Variants in MTUS2 observed in about 807,000 individuals in gnomAD.
MTUS2 encodes the protein microtubule associated scaffold protein 2.
A neutral mutation model predicts 114.1 loss-of-function variants in MTUS2; 40 were observed. That is an observed-to-expected ratio of 0.35 (90% CI 0.27 to 0.46). MTUS2 has a LOEUF of 0.46. Among genes scored for constraint, MTUS2 ranks in the 20% least tolerant of loss-of-function variants. The pLI is 1.00. For synonymous variants in MTUS2, 688 were observed against 672.0 expected (o/e 1.02, Z -0.37); for missense variants, 1,679 against 1,705.4 (o/e 0.98, Z 0.27).
intron 5 of MTUS2, among the ~76,000 whole-genome samples, chr13:29,175,456 C>T (rs754031748): frequency 3.3e-5 from 5 of 152,316 alleles, no homozygotes; most frequent in African/African-American, 4.8e-5. Flanking sequence ...AGCCATTAGA[C>T]AACGGGTGTT....
At chr13:29,171,424 GA>G (rs1893558601) in intron 5 of MTUS2, among the ~76,000 whole-genome samples, 1 of 152,128 alleles carries the variant, frequency 6.6e-6, no homozygotes, top group Non-Finnish European at 1.5e-5. Flanking sequence ...ATCTGTACCG[GA>G]ACTTACTTTC....
At chr13:29,428,474 G>A (rs1260456530) in intron 8 of MTUS2, among the ~76,000 whole-genome samples, 3 of 152,240 alleles carry the variant, frequency 2.0e-5, no homozygotes, top group Non-Finnish European at 4.4e-5. Flanking sequence ...AGGAGAGCAG[G>A]CTGTCCTTTT....
chr13:29,317,961 T>TTGC (rs1455385024), intron 6 of MTUS2, among the ~76,000 whole-genome samples: 1 of 152,216 alleles, frequency 6.6e-6, no homozygotes, highest in East Asian at 1.9e-4. Context: ...TTATCATCAC[T>TTGC]TGCGTTGTGG....
At chr13:29,201,396 G>A (rs375663404) in intron 5 of MTUS2, among the ~76,000 whole-genome samples, 20 of 151,246 alleles carry the variant, frequency 1.3e-4, no homozygotes, top group African/African-American at 4.4e-4. Flanking sequence ...TTTTGAGCCT[G>A]TGTGTGTCTT....
chr13:29,483,345 T>C (rs1741255059), intron 10 of MTUS2, among the ~76,000 whole-genome samples: 1 of 152,182 alleles, frequency 6.6e-6, no homozygotes, highest in Non-Finnish European at 1.5e-5. Context: ...CAGCAGCACC[T>C]CCGTCGTGAC....
At chr13:28,948,983 T>C (rs1221117754) in intron 2 of MTUS2, among the ~76,000 whole-genome samples, 2 of 152,244 alleles carry the variant, frequency 1.3e-5, no homozygotes, top group African/African-American at 4.8e-5. Flanking sequence ...TTAACATCTC[T>C]GAGCTTCATT....
At chr13:29,479,037 T>C (rs1880946112) in intron 9 of MTUS2, among the ~76,000 whole-genome samples, 3 of 152,242 alleles carry the variant, frequency 2.0e-5, no homozygotes, top group African/African-American at 7.2e-5. Context: ...GTGGGACTTC[T>C]GATTAGGGTG....
At chr13:29,442,244 AT>A (rs926962469) in intron 9 of MTUS2, among the ~76,000 whole-genome samples, 7 of 152,020 alleles carry the variant, frequency 4.6e-5, no homozygotes, top group Admixed American at 3.9e-4. Context: ...TGTCTCAGTA[AT>A]TTTTTTTCAC....
chr13:28,951,851 A>T (rs972743264), intron 2 of MTUS2, among the ~76,000 whole-genome samples: 1 of 152,190 alleles, frequency 6.6e-6, no homozygotes, highest in Non-Finnish European at 1.5e-5. Context: ...CACGATGATT[A>T]GGAAACCAAG....
chr13:29,177,024 A>G (rs1431588093), intron 5 of MTUS2, among the ~76,000 whole-genome samples: 2 of 151,008 alleles, frequency 1.3e-5, no homozygotes, highest in East Asian at 3.9e-4. Flanking sequence ...ATGGGGAGAG[A>G]TGGGTCATCT....
chr13:29,360,437 C>CT (rs1460142519), intron 8 of MTUS2, among the ~76,000 whole-genome samples: 2 of 152,094 alleles, frequency 1.3e-5, no homozygotes. Flanking sequence ...CTGAGCTGCT[C>CT]TTTTTTGTTG....
In MTUS2 at chr13:28,954,208, A is replaced by G. The variant is rs143378418; in HGVS notation, c.-242-70249A>G. ...TTCATGGCATTTGCGAATAAATTCC[A>G]CAGAAAAATGCAGAATCTTTGCTGA... On this transcript the variant is annotated intron_variant, in intron 2 of 15. Coordinates refer to ENST00000612955, the MANE Select transcript of MTUS2 (RefSeq NM_001033602.4). Among the ~76,000 whole-genome samples the G allele has an allele frequency of 3.7e-3, 563 of 152,298 alleles. 4 individuals carry two copies. The highest frequency in any genetic ancestry group is 0.013 in the African/African-American group (544 of 41,554).
chr13:29,056,961 C>T (rs1444874811), intron 4 of MTUS2, among the ~76,000 whole-genome samples: 1 of 151,916 alleles, frequency 6.6e-6, no homozygotes, highest in Non-Finnish European at 1.5e-5. Context: ...GTACATTTCC[C>T]TAACACTGCT....
Position 29,025,918 on chromosome 13 carries a change from A to G in MTUS2, c.1220A>G (p.Asp407Gly), listed in dbSNP as rs183738371. ...KQGSASLGGADNQPTGKISPC... is the reference protein window; with the variant it reads ...KQGSASLGGAGNQPTGKISPC... Reference sequence around the variant, plus strand: ...GGCTCTGCTTCCTTAGGAGGGGCTGATAATCAGCCCACTGGCAAAATTTCA... The same window carrying G: ...GGCTCTGCTTCCTTAGGAGGGGCTGGTAATCAGCCCACTGGCAAAATTTCA... The change falls in exon 3 of 16, where the codon GAT becomes GGT. Residue 407 changes from aspartate (D) to glycine (G), a missense_variant. Physicochemically the swap from Asp to Gly is moderately conservative, Grantham distance 94. Coordinates refer to ENST00000612955, the MANE Select transcript of MTUS2 (RefSeq NM_001033602.4). The G allele has an allele frequency of 6.2e-7, 1 of 1,613,726 alleles. No homozygotes were observed. Among genetic ancestry groups the G allele is most frequent in the Non-Finnish European group, 8.5e-7 (1 of 1,179,804 alleles).
At chr13:29,058,581 TAA>T (rs771398440) in intron 4 of MTUS2, among the ~76,000 whole-genome samples, 134 of 60,366 alleles carry the variant, frequency 2.2e-3, no homozygotes, top group African/African-American at 4.1e-3. Flanking sequence ...TTTTTTTTTT[TAA>T]TTATTATTTT....
At chr13:29,175,479 G>C (rs145338236) in intron 5 of MTUS2, among the ~76,000 whole-genome samples, 4 of 152,116 alleles carry the variant, frequency 2.6e-5, no homozygotes, top group Non-Finnish European at 5.9e-5. Context: ...CCACTTATAC[G>C]TGGGCTAAAA....
chr13:29,468,599 C>CAT (rs1432161840), intron 9 of MTUS2, among the ~76,000 whole-genome samples: 24 of 151,812 alleles, frequency 1.6e-4, no homozygotes, highest in African/African-American at 5.8e-4. Context: ...CACACACACA[C>CAT]ACACACACAC....
intron 10 of MTUS2, chr13:29,482,330 T>G (rs1440367332): frequency 6.6e-6 from 1 of 152,184 alleles, no homozygotes; most frequent in Non-Finnish European, 1.5e-5. Flanking sequence ...GAGATGTGCT[T>G]CACCTCTTTT....
chr13:29,197,421 G>C (rs1309380430), intron 5 of MTUS2, among the ~76,000 whole-genome samples: 1 of 152,142 alleles, frequency 6.6e-6, no homozygotes, highest in Non-Finnish European at 1.5e-5. Context: ...TGGCTGCATA[G>C]TATTCCATGG....
Sources: gnomAD v4.1 joint callset for allele counts (sites outside exome capture counted in the v4.1 genomes callset) on GRCh38, gnomAD v4.1.1 for gene constraint, MANE v1.5 for transcripts, NCBI Gene and HGNC (gene_info 2026-07-23, HGNC 2026-07-21) for gene names.